DHRSX: variants seen among roughly 807,000 people sequenced by gnomAD.
DHRSX encodes polyprenol dehydrogenase.
DHRSX carries 31 observed loss-of-function variants against 34.0 expected under a neutral mutation model. The observed-to-expected ratio is 0.91, with a 90% confidence interval of 0.69 to 1.23. The LOEUF (loss-of-function observed/expected upper bound fraction) is 1.23, where lower values mean the gene tolerates loss of function less well. Ranked by LOEUF, DHRSX falls within the 50% of genes most tolerant of loss-of-function variation. The pLI, the probability that DHRSX is intolerant of heterozygous loss-of-function variation, is 0.00. For synonymous variants in DHRSX, 201 were observed against 183.8 expected (o/e 1.09, Z -0.76); for missense variants, 414 against 428.1 (o/e 0.97, Z 0.29).
intron 3 of DHRSX, among the ~76,000 whole-genome samples, chrX:2,361,917 C>G (rs191440134): frequency 6.6e-6 from 1 of 152,186 alleles, no homozygotes; most frequent in Non-Finnish European, 1.5e-5. Flanking sequence ...CAGAGTGTGG[C>G]TGCGTTTCTG....
intron 3 of DHRSX, among the ~76,000 whole-genome samples, chrX:2,370,469 C>T (rs1215031945): frequency 6.6e-6 from 1 of 151,956 alleles, no homozygotes. Context: ...CCGCGCCCAG[C>T]TGAGGGCTTT....
intron 3 of DHRSX, among the ~76,000 whole-genome samples, chrX:2,323,257 T>C (rs2042335227): frequency 6.6e-6 from 1 of 152,166 alleles, no homozygotes; most frequent in Admixed American, 6.6e-5. Flanking sequence ...GTAGAGCTAT[T>C]CTGCCTTGTA....
chrX:2,312,267 T>C (rs1224592596), intron 3 of DHRSX, among the ~76,000 whole-genome samples: 2 of 151,946 alleles, frequency 1.3e-5, no homozygotes, highest in African/African-American at 4.8e-5. Flanking sequence ...ATGAGCAACT[T>C]GATGAAGAAG....
At chrX:2,411,789 C>T (rs953217209) in intron 2 of DHRSX, among the ~76,000 whole-genome samples, 6 of 150,882 alleles carry the variant, frequency 4.0e-5, no homozygotes, top group African/African-American at 9.7e-5. Flanking sequence ...GAAGCTGGGA[C>T]GAAGTAAGAT....
rs981919906 is a variant in DHRSX, at chrX:2,457,312, A to G, written c.110-32008T>C. On this transcript the variant is annotated intron_variant, in intron 1 of 6. Coordinates refer to ENST00000334651, the MANE Select transcript of DHRSX (RefSeq NM_145177.3). The stretch of plus-strand genomic sequence containing the variant: ...TGTGGCAGCGGGATGGCCACTGTGT[A>G]GAAACTGAAGATGTTCCCTAAGGAT... Among the ~76,000 whole-genome samples the G allele has an allele frequency of 5.8e-4, 88 of 151,650 alleles. 1 individual carries two copies. Among genetic ancestry groups the G allele is most frequent in the Non-Finnish European group, 1.0e-3 (70 of 67,886 alleles).
At chrX:2,253,289 GCCACGGCAC>G (rs2016479294) in intron 5 of DHRSX, among the ~76,000 whole-genome samples, 1 of 139,488 alleles carries the variant, frequency 7.2e-6, no homozygotes, top group Admixed American at 7.1e-5. Context: ...CCAAGATGGC[GCCACGGCAC>G]TGCAGCCTGG....
At chrX:2,348,109 C>T (rs899009449) in intron 3 of DHRSX, among the ~76,000 whole-genome samples, 45 of 152,030 alleles carry the variant, frequency 3.0e-4, no homozygotes, top group African/African-American at 5.1e-4. Flanking sequence ...GATAGTCCAA[C>T]GTAACATAAG....
intron 5 of DHRSX, among the ~76,000 whole-genome samples, chrX:2,243,591 A>G (rs1330883991): frequency 1.3e-5 from 2 of 151,662 alleles, no homozygotes; most frequent in Non-Finnish European, 2.9e-5. Flanking sequence ...GGTTCAAGTG[A>G]TTCTCCTACC....
intron 2 of DHRSX, among the ~76,000 whole-genome samples, chrX:2,421,549 A>C (rs768463543): frequency 3.9e-4 from 59 of 152,372 alleles, no homozygotes; most frequent in African/African-American, 1.3e-3. Context: ...CATGGGCTGA[A>C]CATGGGGTTT....
chrX:2,441,881 G>C (rs1308364958), intron 1 of DHRSX, among the ~76,000 whole-genome samples: 8 of 151,976 alleles, frequency 5.3e-5, no homozygotes, highest in African/African-American at 1.7e-4. Context: ...GACCAGCCTG[G>C]CCAACATGGT....
At chrX:2,330,552 A>AGGGAG (rs1338919056) in intron 3 of DHRSX, among the ~76,000 whole-genome samples, 5 of 104,326 alleles carry the variant, frequency 4.8e-5, no homozygotes, top group South Asian at 3.6e-4. Flanking sequence ...AGGGAAGGGA[A>AGGGAG]GGGAGGGGAG....
chrX:2,371,276 T>TTCTGTTACCATAGTCCCTCC (rs2043058035), intron 3 of DHRSX, among the ~76,000 whole-genome samples: 1 of 148,162 alleles, frequency 6.7e-6, no homozygotes, highest in African/African-American at 2.6e-5. Context: ...ACCCTTCTAC[T>TTCTGTTACCATAGTCCCTCC]TCTGTTACCA....
intron 3 of DHRSX, among the ~76,000 whole-genome samples, chrX:2,406,289 C>G (rs1240735229): frequency 2.6e-5 from 4 of 151,870 alleles, no homozygotes; most frequent in African/African-American, 9.7e-5. Context: ...GAGACTCCGT[C>G]TCAAAAAGAA....
intron 3 of DHRSX, among the ~76,000 whole-genome samples, chrX:2,358,962 A>AAT (rs2042892866): frequency 6.6e-6 from 1 of 151,896 alleles, no homozygotes; most frequent in South Asian, 2.1e-4. Context: ...AAAAAAAAAA[A>AAT]AAAAGACATA....
At chrX:2,432,495 C>T (rs767436215) in intron 1 of DHRSX, among the ~76,000 whole-genome samples, 5 of 152,174 alleles carry the variant, frequency 3.3e-5, no homozygotes, top group East Asian at 3.9e-4. Context: ...TATAATTAAA[C>T]GGGAGGTACT....
intron 3 of DHRSX, among the ~76,000 whole-genome samples, chrX:2,333,007 CAAAG>C (rs1222174716): frequency 6.6e-6 from 1 of 152,190 alleles, no homozygotes; most frequent in Non-Finnish European, 1.5e-5. Context: ...AAGACATCCA[CAAAG>C]AAATAGGTGA....
Position 2,382,153 on chromosome X carries a change from T to C in DHRSX, c.286+26592A>G, listed in dbSNP as rs750263861. Among the ~76,000 whole-genome samples the C allele has an allele frequency of 1.0e-3, 155 of 152,240 alleles. 1 individual carries two copies. Among genetic ancestry groups the C allele is most frequent in the African/African-American group, 3.6e-3 (148 of 41,576 alleles). ...ACCTACTCTCTGGAGAAGTATTCCA[T>C]TCCCTCTTTCTGGGCTCCCACAAGC... On this transcript the variant is annotated intron_variant, in intron 3 of 6. Coordinates refer to ENST00000334651, the MANE Select transcript of DHRSX (RefSeq NM_145177.3).
intron 1 of DHRSX, chrX:2,488,656 A>G: frequency 6.2e-7 from 1 of 1,609,492 alleles, no homozygotes; most frequent in Non-Finnish European, 8.5e-7. Flanking sequence ...TGCTGTCCCT[A>G]ATGCCAAAGA....
chrX:2,466,074 C>T (rs1306953867), intron 1 of DHRSX, among the ~76,000 whole-genome samples: 2 of 152,188 alleles, frequency 1.3e-5, no homozygotes, highest in Non-Finnish European at 2.9e-5. Flanking sequence ...CATTCCTCAA[C>T]AGGACGCCAT....
Sources: allele counts gnomAD v4.1 joint callset (sites outside exome capture counted in the v4.1 genomes callset), GRCh38; gene constraint gnomAD v4.1.1; transcripts MANE v1.5; gene names NCBI Gene and HGNC (gene_info 2026-07-23, HGNC 2026-07-21).